Variants in TLK1 observed in about 807,000 individuals in gnomAD.
TLK1 encodes the protein serine/threonine-protein kinase tousled-like 1.
Under a neutral mutation model 105.3 loss-of-function variants are expected in TLK1, and 24 were observed. The ratio of observed to expected loss-of-function variants is 0.23; its 90% confidence interval spans 0.17 to 0.32. The LOEUF is 0.32. Among genes scored for constraint, TLK1 ranks in the 10% least tolerant of loss-of-function variants. The pLI is 1.00. For synonymous variants in TLK1, 321 were observed against 310.4 expected (o/e 1.03, Z -0.36); for missense variants, 558 against 910.5 (o/e 0.61, Z 4.98).
At position 171,081,233 on chromosome 2, in the gene TLK1, A is replaced by G. The variant is rs112839216; in HGVS notation, c.330+1548T>C. Among the ~76,000 whole-genome samples, 771 of 152,334 alleles carry G rather than the reference A, an allele frequency of 5.1e-3. 5 individuals carry two copies. Among genetic ancestry groups the G allele is most frequent in the African/African-American group, 0.017 (718 of 41,580 alleles). Reference sequence around the variant, plus strand: ...TAGACTAATTCCTCTGAAAAAATCCAAATATTAAATCTATAACTTATATTT... The same window carrying G: ...TAGACTAATTCCTCTGAAAAAATCCGAATATTAAATCTATAACTTATATTT... On this transcript the variant is annotated intron_variant, in intron 3 of 20. Coordinates refer to ENST00000431350, the MANE Select transcript of TLK1 (RefSeq NM_012290.5).
chr2:171,160,981 GGCGGCGGCA>G (rs1167605695), upstream of TLK1: 5 of 195,062 alleles, frequency 2.6e-5, no homozygotes, highest in Admixed American at 1.2e-4. The surrounding 1 kb of genome is among the most constrained non-coding windows in gnomAD (Gnocchi z 4.4). Flanking sequence ...CGGCGGCGGC[GGCGGCGGCA>G]GCGGCGGCCG....
At chr2:171,053,578 C>T (rs1376879104) in intron 8 of TLK1, 183 bp downstream of exon 8, 1 of 436,718 alleles carries the variant, frequency 2.3e-6, no homozygotes, top group Admixed American at 4.0e-5. Context: ...GGCCAGGATG[C>T]TCTTGATCTC....
chr2:171,031,018 T>TA (rs11420656), intron 11 of TLK1, among the ~76,000 whole-genome samples: 132,287 of 145,744 alleles, frequency 0.91, 60,859 homozygotes, highest in Non-Finnish European at 0.99. Flanking sequence ...TTTACAATCA[T>TA]AAAAAAAAAA....
intron 2 of TLK1, among the ~76,000 whole-genome samples, chr2:171,106,461 C>T (rs968272450): frequency 1.1e-4 from 16 of 152,208 alleles, no homozygotes; most frequent in African/African-American, 3.6e-4. Flanking sequence ...TAAATATGTA[C>T]AATTACTCTA....
chr2:171,050,037 C>G, intron 9 of TLK1, 27 bp downstream of exon 9: 1 of 1,605,084 alleles, frequency 6.2e-7, no homozygotes, highest in Non-Finnish European at 8.5e-7. Flanking sequence ...GAAGGGAAAG[C>G]GAAAATTTAC....
Position 171,160,269 on chromosome 2 carries a change from C to G in TLK1, c.139+21G>C. ...GCGGGAGAGGAGGCCCGCGAGCGGG[C>G]GCGGGCGCGGCGGTGCTTACCTTCC... On this transcript the variant is annotated intron_variant, in intron 1 of 20. Transcript: ENST00000431350. The surrounding 1 kb of genome is among the most constrained non-coding windows in gnomAD (Gnocchi z 4.4). 6.7e-7 allele frequency: 1 copy of G among 1,501,760 alleles called. No homozygotes were observed. Among genetic ancestry groups the G allele is most frequent in the African/African-American group, 1.5e-5 (1 of 68,864 alleles). The allele number at this position is 1,501,760 out of a possible 1,614,324, so 93.0% of individuals were successfully genotyped here.
chr2:171,199,555 GTCTGAGCC>G (rs1693358885), intron 1 of TLK1, among the ~76,000 whole-genome samples: 1 of 151,896 alleles, frequency 6.6e-6, no homozygotes, highest in Non-Finnish European at 1.5e-5. Flanking sequence ...TGCAGAGTCT[GTCTGAGCC>G]TCTGAGCCTT....
intron 18 of TLK1, 80 bp from the exon 19 acceptor site, chr2:170,997,903 C>T: frequency 1.2e-6 from 1 of 820,700 alleles, no homozygotes; most frequent in Non-Finnish European, 1.9e-6. Flanking sequence ...AATCTTAGAA[C>T]ACGAATTTTA....
At chr2:171,192,756 G>A (rs1575653406) in intron 1 of TLK1, among the ~76,000 whole-genome samples, 1 of 152,120 alleles carries the variant, frequency 6.6e-6, no homozygotes. Context: ...GGACTTTAAG[G>A]TGTCATGGCC....
chr2:171,035,089 C>G (rs1266294542), intron 11 of TLK1, among the ~76,000 whole-genome samples: 2 of 152,044 alleles, frequency 1.3e-5, no homozygotes, highest in Non-Finnish European at 2.9e-5. Flanking sequence ...GCCCGTAATC[C>G]CAGCACTTTG....
intron 1 of TLK1, among the ~76,000 whole-genome samples, chr2:171,123,143 T>C (rs1041435951): frequency 3.9e-5 from 6 of 152,054 alleles, no homozygotes; most frequent in Admixed American, 6.6e-5. Flanking sequence ...TTTGAGAAGA[T>C]AGCACCTCAC....
Position 171,189,795 on chromosome 2 carries a change from T to C in TLK1, c.-6+41350A>G, listed in dbSNP as rs144321205. 6.8e-3 allele frequency among the ~76,000 whole-genome samples: 1,041 copies of C among 152,286 alleles called. 11 individuals carry two copies. The highest frequency in any genetic ancestry group is 0.017 in the Middle Eastern group (5 of 294). On this transcript the variant is annotated intron_variant, in intron 1 of 20. Coordinates refer to the TLK1 transcript ENST00000521943. ...ATGGTTTTTGCCCTCATGTTGTCATTTTGTGGTCACAAGATGGCTGCTCCA... is the reference window on the plus strand; with the variant it reads ...ATGGTTTTTGCCCTCATGTTGTCATCTTGTGGTCACAAGATGGCTGCTCCA...
At chr2:170,996,559 G>A (rs1684074072) in intron 20 of TLK1, 94 bp downstream of exon 20, 1 of 999,566 alleles carries the variant, frequency 1.0e-6, no homozygotes, top group East Asian at 2.5e-5. Flanking sequence ...AGCGAGTCTT[G>A]TGACTTTACT....
intron 1 of TLK1, among the ~76,000 whole-genome samples, chr2:171,229,397 C>A (rs1292427205): frequency 2.0e-5 from 3 of 152,178 alleles, no homozygotes; most frequent in Non-Finnish European, 2.9e-5. Context: ...TTTTGACTTG[C>A]ATTCACATAT....
At chr2:171,124,124 A>C (rs1464387465) in intron 1 of TLK1, among the ~76,000 whole-genome samples, 1 of 152,216 alleles carries the variant, frequency 6.6e-6, no homozygotes, top group Non-Finnish European at 1.5e-5. Context: ...AACTTCTGAA[A>C]AATGCTGTGG....
At chr2:171,139,583 G>A (rs921901200) in intron 1 of TLK1, among the ~76,000 whole-genome samples, 10 of 152,050 alleles carry the variant, frequency 6.6e-5, no homozygotes, top group African/African-American at 2.4e-4. Flanking sequence ...AACAGAGTGA[G>A]ACTCTGTCTC....
chr2:171,174,050 A>C (rs899251159), intron 1 of TLK1, among the ~76,000 whole-genome samples: 1 of 152,048 alleles, frequency 6.6e-6, no homozygotes, highest in African/African-American at 2.4e-5. Context: ...CCTTAGTTCA[A>C]ACTTTTATTA....
chr2:171,052,128 C>A (rs1687269455), intron 8 of TLK1, among the ~76,000 whole-genome samples: 1 of 152,104 alleles, frequency 6.6e-6, no homozygotes, highest in Admixed American at 6.6e-5. Context: ...GGAGTGATGG[C>A]ATGAGCCTGT....
intron 3 of TLK1, among the ~76,000 whole-genome samples, chr2:171,075,460 G>T (rs983754120): frequency 2.0e-4 from 31 of 152,244 alleles, no homozygotes; most frequent in African/African-American, 7.5e-4. Flanking sequence ...ATTTTAACTT[G>T]TTCAAATTTG....
Sources: allele counts gnomAD v4.1 joint callset (sites outside exome capture counted in the v4.1 genomes callset), GRCh38; gene constraint gnomAD v4.1.1; non-coding constraint Gnocchi (gnomAD v3.1); transcripts MANE v1.5; gene names NCBI Gene and HGNC (gene_info 2026-07-23, HGNC 2026-07-21).